The following TENM2 variants were observed in gnomAD, a reference collection of about 807,000 sequenced individuals.
TENM2 encodes the protein teneurin transmembrane protein 2.
A neutral mutation model predicts 245.2 loss-of-function variants in TENM2; 52 were observed. That is an observed-to-expected ratio of 0.21 (90% CI 0.17 to 0.27). The LOEUF (loss-of-function observed/expected upper bound fraction) is 0.27, where lower values mean the gene tolerates loss of function less well. TENM2 is among the 10% of genes least tolerant of loss of function. TENM2 has a pLI of 1.00. For synonymous variants in TENM2, 1,363 were observed against 1,438.9 expected (o/e 0.95, Z 1.19); for missense variants, 3,046 against 3,666.8 (o/e 0.83, Z 4.37).
Position 168,136,662 on chromosome 5 carries a change from G to A in TENM2, c.2422+9696G>A, listed in dbSNP as rs555582720. Among the ~76,000 whole-genome samples, 18 of 152,212 alleles carry A rather than the reference G, an allele frequency of 1.2e-4. No homozygotes were observed. In the South Asian group the frequency reaches 1.9e-3, roughly 16 times the overall value. ...CCATACATCAAGGTTTTGTCCCAGC[G>A]CTGAGCTGTCGAACAGACACCACAG... On this transcript the variant is annotated intron_variant, in intron 12 of 28. Transcript: ENST00000518659.
At chr5:167,709,453 G>A (rs1758759602) in intron 2 of TENM2, among the ~76,000 whole-genome samples, 1 of 152,132 alleles carries the variant, frequency 6.6e-6, no homozygotes, top group African/African-American at 2.4e-5. Context: ...ATTCAGTGTA[G>A]AGTACAAATA....
chr5:167,338,800 CA>C (rs1443522524), intron 1 of TENM2, among the ~76,000 whole-genome samples: 4 of 152,166 alleles, frequency 2.6e-5, no homozygotes, highest in Non-Finnish European at 4.4e-5. Context: ...CAGACATGCT[CA>C]GGTTCTGGTG....
intron 7 of TENM2, among the ~76,000 whole-genome samples, chr5:168,081,570 G>C (rs1791999764): frequency 1.3e-5 from 2 of 152,160 alleles, no homozygotes; most frequent in Non-Finnish European, 2.9e-5. Context: ...GGCTTGTACT[G>C]GTTGTTCCTT....
intron 1 of TENM2, among the ~76,000 whole-genome samples, chr5:167,358,098 C>T (rs1393268759): frequency 6.6e-6 from 1 of 152,200 alleles, no homozygotes; most frequent in African/African-American, 2.4e-5. Context: ...CAAAAACCTG[C>T]TGTTCTTTTC....
chr5:167,111,923 C>G, the TENM2 span, among the ~76,000 whole-genome samples: 1 of 152,130 alleles, frequency 6.6e-6, no homozygotes, highest in Non-Finnish European at 1.5e-5. Flanking sequence ...TTTCTGCATT[C>G]GATTTACTAA....
At chr5:167,311,156 G>A (rs1264417293) in intron 1 of TENM2, among the ~76,000 whole-genome samples, 1 of 152,192 alleles carries the variant, frequency 6.6e-6, no homozygotes, top group African/African-American at 2.4e-5. Context: ...TGAGGAGCAG[G>A]GGACAGGTGC....
intron 2 of TENM2, among the ~76,000 whole-genome samples, chr5:167,718,658 T>C (rs1561702719): frequency 2.0e-5 from 3 of 152,326 alleles, no homozygotes; most frequent in South Asian, 2.1e-4. Flanking sequence ...GAATATGGGT[T>C]TTGAGGTCAT....
chr5:167,607,240 A>T (rs757775381), intron 2 of TENM2, among the ~76,000 whole-genome samples: 1 of 152,102 alleles, frequency 6.6e-6, no homozygotes, highest in Non-Finnish European at 1.5e-5. Flanking sequence ...GGCAGCTGGC[A>T]TTTGCCTCTC....
In TENM2 at chr5:168,127,745, T is replaced by C. The variant is rs56699561; in HGVS notation, c.2422+779T>C. 5.6e-3 allele frequency among the ~76,000 whole-genome samples: 852 copies of C among 152,274 alleles called. 8 individuals carry two copies. The highest frequency in any genetic ancestry group is 0.02 in the African/African-American group (811 of 41,534). ...CAGTTGGGATGACAAAGTTGTCAACTTGAGCATCATTTTACCTCCGGTTTT... is the reference window on the plus strand; with the variant it reads ...CAGTTGGGATGACAAAGTTGTCAACCTGAGCATCATTTTACCTCCGGTTTT... On this transcript the variant is annotated intron_variant, in intron 12 of 28. Coordinates refer to ENST00000518659, the Ensembl canonical transcript of TENM2.
At chr5:167,108,697 G>A in the TENM2 span, among the ~76,000 whole-genome samples, 1 of 152,178 alleles carries the variant, frequency 6.6e-6, no homozygotes, top group Non-Finnish European at 1.5e-5. Flanking sequence ...TCTCATCCTT[G>A]CAGCAACAAA....
chr5:167,605,269 G>T (rs1358820214), intron 2 of TENM2, among the ~76,000 whole-genome samples: 2 of 152,162 alleles, frequency 1.3e-5, no homozygotes, highest in Admixed American at 1.3e-4. Context: ...GGAAAGAGCA[G>T]TAGTCATTTA....
intron 2 of TENM2, among the ~76,000 whole-genome samples, chr5:167,538,673 A>G (rs905072153): frequency 5.3e-5 from 8 of 152,166 alleles, no homozygotes; most frequent in Non-Finnish European, 1.0e-4. Flanking sequence ...CCTCAAAGCC[A>G]ATCGGAAAAC....
At chr5:167,470,454 CTTTTTTTTTTT>C (rs749016436) in intron 2 of TENM2, among the ~76,000 whole-genome samples, 1 of 47,394 alleles carries the variant, frequency 2.1e-5, no homozygotes, top group Non-Finnish European at 3.6e-5. Flanking sequence ...GCAATGCTTG[CTTTTTTTTTTT>C]TTTTTTTTTT....
chr5:167,284,827 T>C lies in TENM2; in HGVS notation c.-11T>C, dbSNP rs1250234156. The C allele has an allele frequency of 2.5e-5, 38 of 1,545,824 alleles. No individual in the cohort carries two copies. The East Asian group carries it at 9.3e-4, about 38-fold the overall frequency. ...TTCTGAAAACATCAGCATTCTGCCA[T>C]ATCTGGAATAATGGATGTAAAGGAC... On this transcript the variant is annotated 5_prime_UTR_variant, in exon 1 of 29. Coordinates refer to ENST00000518659, the Ensembl canonical transcript of TENM2.
chr5:167,223,778 A>C, the TENM2 span, among the ~76,000 whole-genome samples: 1 of 152,136 alleles, frequency 6.6e-6, no homozygotes, highest in Non-Finnish European at 1.5e-5. Context: ...TGTTTTCCAT[A>C]GTGGCTGTAC....
At chr5:168,249,255 C>T (rs1490792585) in intron 27 of TENM2, among the ~76,000 whole-genome samples, 3 of 152,064 alleles carry the variant, frequency 2.0e-5, no homozygotes, top group African/African-American at 7.2e-5. Context: ...ATCGAGATGA[C>T]TGTAACCCAG....
intron 27 of TENM2, among the ~76,000 whole-genome samples, chr5:168,252,012 C>T (rs1408528299): frequency 1.3e-5 from 2 of 152,198 alleles, no homozygotes; most frequent in Non-Finnish European, 1.5e-5. Flanking sequence ...CTCTTTTGAA[C>T]AGTTACTTTT....
the TENM2 span, among the ~76,000 whole-genome samples, chr5:167,265,657 C>T: frequency 1.3e-5 from 2 of 152,186 alleles, no homozygotes; most frequent in Admixed American, 6.5e-5. Context: ...ATTGTACAGA[C>T]TCTCCACCCT....
At chr5:168,243,941 T>G (rs1195183943) in intron 25 of TENM2, among the ~76,000 whole-genome samples, 5 of 147,966 alleles carry the variant, frequency 3.4e-5, no homozygotes, top group South Asian at 2.2e-4. Flanking sequence ...TCTTTGGTTT[T>G]TTTTTTTTTT....
Sources: allele counts gnomAD v4.1 joint callset (sites outside exome capture counted in the v4.1 genomes callset), GRCh38; gene constraint gnomAD v4.1.1; transcripts MANE v1.5; gene names NCBI Gene and HGNC (gene_info 2026-07-23, HGNC 2026-07-21).